ZNF454: variants seen among roughly 807,000 people sequenced by gnomAD.
ZNF454 encodes the protein zinc finger protein 454.
ZNF454 carries 30 observed loss-of-function variants against 48.2 expected under a neutral mutation model. The observed-to-expected ratio is 0.62, with a 90% CI of 0.47 to 0.84. ZNF454 has a LOEUF of 0.84. ZNF454 is among the 40% of genes least tolerant of loss of function. ZNF454 has a pLI of 0.00. For synonymous variants in ZNF454, 204 were observed against 211.4 expected, an observed-to-expected ratio of 0.97 and a Z score of 0.30; for missense variants, 510 against 623.1, an observed-to-expected ratio of 0.82 and a Z score of 1.93.
chr5:178,989,654 A>G, the ZNF454 span: 5 of 585,392 alleles, frequency 8.5e-6, no homozygotes, highest in East Asian at 8.7e-5. Flanking sequence ...CTCAGAGCCA[A>G]CTGGAGGTTC....
the ZNF454 span, chr5:178,986,560 G>A: frequency 3.4e-4 from 540 of 1,607,924 alleles, 3 homozygotes; most frequent in East Asian, 6.2e-4. Context: ...GTGGTTGGGC[G>A]TGGGCCTCAT....
chr5:178,989,400 C>G, the ZNF454 span: 6 of 1,613,984 alleles, frequency 3.7e-6, no homozygotes, highest in Non-Finnish European at 5.1e-6. Context: ...AAGTACTGGT[C>G]AAATCCTACA....
intron 4 of ZNF454, among the ~76,000 whole-genome samples, chr5:178,955,249 A>C (rs1442427676): frequency 6.6e-6 from 1 of 152,138 alleles, no homozygotes; most frequent in African/African-American, 2.4e-5. Flanking sequence ...GTTGAGTAGG[A>C]GCTGTAGTGG....
chr5:178,983,117 C>T, the ZNF454 span: 3 of 1,614,166 alleles, frequency 1.9e-6, no homozygotes, highest in Middle Eastern at 1.6e-4. Flanking sequence ...ACATGTCGCA[C>T]TTGAGCACCC....
At position 178,941,310 on chromosome 5, in the gene ZNF454, G is replaced by GTGGT. The variant is rs1468644555; in HGVS notation, c.-241_-238dup. On this transcript the variant is annotated 5_prime_UTR_variant, in exon 1 of 5. It removes the in-frame stop codon of an upstream open reading frame in the 5' UTR. Coordinates refer to ENST00000519564, the MANE Select transcript of ZNF454 (RefSeq NM_001178089.3). This position sits in a 1 kb window ranked among gnomAD's most constrained non-coding sequence, Gnocchi z 5.5. Reference sequence around the variant, plus strand: ...AGCGACACGGGGCTGACCAGGCACGGTGGTCAAAGCCGCAGAGGGAGAGCG... The same window carrying GTGGT: ...AGCGACACGGGGCTGACCAGGCACGGTGGTTGGTCAAAGCCGCAGAGGGAGAGCG... The GTGGT allele has an allele frequency of 2.2e-6, 1 of 446,544 alleles. No homozygotes were observed. The highest frequency in any genetic ancestry group is 2.0e-5 in the African/African-American group (1 of 50,012). 27.7% of individuals were successfully genotyped at this position (446,544 alleles called of 1,614,324 possible).
At chr5:178,970,001 A>G (rs1195234282), downstream of ZNF454, among the ~76,000 whole-genome samples, 2 of 151,978 alleles carry the variant, frequency 1.3e-5, no homozygotes, top group African/African-American at 4.8e-5. Context: ...CCTGGCTTTG[A>G]CAGCGCCCTC....
intron 4 of ZNF454, among the ~76,000 whole-genome samples, chr5:178,955,238 A>G (rs536098311): frequency 6.6e-6 from 1 of 152,292 alleles, no homozygotes; most frequent in East Asian, 1.9e-4. Flanking sequence ...TCCTGCACAA[A>G]GTTGAGTAGG....
chr5:178,985,620 G>C, the ZNF454 span: 99 of 361,886 alleles, frequency 2.7e-4, no homozygotes, highest in Middle Eastern at 5.2e-4. Flanking sequence ...GGAGAATGGC[G>C]TGAACCCGGA....
chr5:178,989,195 C>G, the ZNF454 span: 1 of 1,555,806 alleles, frequency 6.4e-7, no homozygotes, highest in Non-Finnish European at 8.7e-7. Flanking sequence ...CCCGGCCTCC[C>G]GCCTTCCCCC....
chr5:178,972,758 G>A, the ZNF454 span, among the ~76,000 whole-genome samples: 1 of 152,136 alleles, frequency 6.6e-6, no homozygotes, highest in East Asian at 1.9e-4. Context: ...CCACGTGGGG[G>A]TGAGAGAACC....
At chr5:178,989,222 C>T in the ZNF454 span, 1 of 1,126,182 alleles carries the variant, frequency 8.9e-7, no homozygotes. Context: ...CCCTCACCAC[C>T]CTCCCCACCC....
rs1339520065 is a variant in ZNF454 at position 178,946,133 on chromosome 5, T to G, written c.34-226T>G. The stretch of plus-strand genomic sequence containing the variant: ...TGGAAGTCCCAGTGCTGAGAAAGCC[T>G]ATCTTCGCCACCATATATGTTTCTT... On this transcript the variant is annotated intron_variant, in intron 2 of 4. Transcript: ENST00000519564. The surrounding 1 kb of genome is among the most constrained non-coding windows in gnomAD (Gnocchi z 4.5). Among the ~76,000 whole-genome samples, 1 of 152,108 alleles carries G rather than the reference T, an allele frequency of 6.6e-6. No individual in the cohort carries two copies. The highest frequency in any genetic ancestry group is 1.5e-5 in the Non-Finnish European group (1 of 68,008).
the ZNF454 span, chr5:178,983,042 G>C: frequency 1.2e-6 from 2 of 1,613,974 alleles, no homozygotes; most frequent in African/African-American, 1.3e-5. Flanking sequence ...CCTTGATGGC[G>C]TACACTGTGC....
intron 2 of ZNF454, among the ~76,000 whole-genome samples, chr5:178,943,067 T>G (rs1264160707): frequency 6.6e-6 from 1 of 152,200 alleles, no homozygotes; most frequent in Non-Finnish European, 1.5e-5. Flanking sequence ...CCCAGGTCCC[T>G]GTGAAATCAA....
chr5:178,986,466 G>A, the ZNF454 span: 1 of 1,612,320 alleles, frequency 6.2e-7, no homozygotes, highest in Non-Finnish European at 8.5e-7. Flanking sequence ...TGGCCACGAT[G>A]CCCAGCACGG....
intron 4 of ZNF454, among the ~76,000 whole-genome samples, chr5:178,959,477 AT>A (rs993905740): frequency 6.6e-6 from 1 of 152,202 alleles, no homozygotes; most frequent in Admixed American, 6.5e-5. Context: ...TTCTTTTAGA[AT>A]TTTAGAATTG....
chr5:178,959,434 A>G (rs1488588270), intron 4 of ZNF454, among the ~76,000 whole-genome samples: 6 of 152,140 alleles, frequency 3.9e-5, no homozygotes, highest in Non-Finnish European at 7.3e-5. Flanking sequence ...TAAGCCTTAC[A>G]CTTGCTGACG....
chr5:178,983,861 A>T, the ZNF454 span, among the ~76,000 whole-genome samples: 1 of 152,126 alleles, frequency 6.6e-6, no homozygotes, highest in Non-Finnish European at 1.5e-5. Flanking sequence ...TAAAGGCGGG[A>T]CCCTGGAAGG....
chr5:178,967,717 G>GTTTTTTTTTTTTTT (rs10610959), downstream of ZNF454, among the ~76,000 whole-genome samples: 1 of 128,960 alleles, frequency 7.8e-6, no homozygotes. Context: ...CCTTTACCCT[G>GTTTTTTTTTTTTTT]TTTTTTTTTT....
Sources: allele counts gnomAD v4.1 joint callset (sites outside exome capture counted in the v4.1 genomes callset), GRCh38; gene constraint gnomAD v4.1.1; non-coding constraint Gnocchi (gnomAD v3.1); transcripts MANE v1.5; gene names NCBI Gene and HGNC (gene_info 2026-07-23, HGNC 2026-07-21).